Variants in CUL5 observed in about 807,000 individuals in gnomAD.
The protein encoded by CUL5 is cullin 5, also known as cullin-5.
A neutral mutation model predicts 108.8 loss-of-function variants in CUL5; 26 were observed. The ratio of observed to expected loss-of-function variants is 0.24; its 90% CI spans 0.18 to 0.33. The LOEUF is 0.33. Among genes scored for constraint, CUL5 ranks in the 10% least tolerant of loss-of-function variants. CUL5 has a pLI of 1.00. For missense variants in CUL5, 524 were observed against 909.2 expected (o/e 0.58, Z 5.45); for synonymous variants, 334 against 298.0 (o/e 1.12, Z -1.25).
chr11:108,046,613 T>G, intron 3 of CUL5: 1 of 306,390 alleles, frequency 3.3e-6, no homozygotes, highest in South Asian at 5.5e-5. Context: ...GCGAATTCAG[T>G]TTTTTATATT....
intron 2 of CUL5, 67 bp downstream of exon 2, chr11:108,033,978 A>G: frequency 1.1e-6 from 1 of 914,622 alleles, no homozygotes; most frequent in Non-Finnish European, 1.8e-6. Context: ...CCATACCCAA[A>G]TGGAATGTGT....
intron 7 of CUL5, among the ~76,000 whole-genome samples, chr11:108,060,937 G>T (rs576006191): frequency 6.6e-6 from 1 of 152,202 alleles, no homozygotes; most frequent in East Asian, 1.9e-4. Context: ...TGGAGTGCCT[G>T]CTGTGTTTTA....
intron 12 of CUL5, 129 bp downstream of exon 12, chr11:108,088,788 T>C: frequency 1.4e-6 from 1 of 706,090 alleles, no homozygotes; most frequent in Non-Finnish European, 2.1e-6. Flanking sequence ...GTTACGAAGA[T>C]TTGCAGTGCA....
intron 2 of CUL5, among the ~76,000 whole-genome samples, chr11:108,040,157 A>C (rs1235389733): frequency 1.3e-5 from 2 of 152,212 alleles, no homozygotes; most frequent in Non-Finnish European, 2.9e-5. Context: ...GTTTTTAAAA[A>C]GATTTACCTT....
intron 3 of CUL5, 76 bp from the exon 4 acceptor site, chr11:108,049,814 A>G: frequency 8.8e-7 from 1 of 1,137,622 alleles, no homozygotes; most frequent in South Asian, 1.4e-5. Flanking sequence ...GTACAATTTA[A>G]ATTTTGGCAT....
chr11:108,095,933 T>C (rs1864480307), intron 16 of CUL5, among the ~76,000 whole-genome samples: 1 of 150,978 alleles, frequency 6.6e-6, no homozygotes, highest in Admixed American at 6.6e-5. Flanking sequence ...CCATCTCTAC[T>C]AAAAATACAA....
intron 18 of CUL5, among the ~76,000 whole-genome samples, chr11:108,101,795 C>T (rs1864677156): frequency 6.6e-6 from 1 of 152,234 alleles, no homozygotes; most frequent in Non-Finnish European, 1.5e-5. Flanking sequence ...ACCTTCACCT[C>T]TATCTAAGGA....
chr11:108,035,336 ATAAGCCTTTTTCTT>A (rs1862707981), intron 2 of CUL5, among the ~76,000 whole-genome samples: 1 of 152,196 alleles, frequency 6.6e-6, no homozygotes, highest in South Asian at 2.1e-4. Context: ...CCATCAGAGA[ATAAGCCTTTTTCTT>A]TGGTTATCTG....
At chr11:108,104,080 G>T in intron 18 of CUL5, 110 bp from the exon 19 acceptor site, 1 of 617,284 alleles carries the variant, frequency 1.6e-6, no homozygotes, top group Non-Finnish European at 2.8e-6. Context: ...TTATTCATTT[G>T]GGTAGATGTT....
At chr11:108,029,005 T>C (rs1190463179) in intron 1 of CUL5, among the ~76,000 whole-genome samples, 2 of 152,200 alleles carry the variant, frequency 1.3e-5, no homozygotes, top group South Asian at 2.1e-4. Flanking sequence ...CTCTCCACTT[T>C]GTTTACTTTG....
intron 11 of CUL5, among the ~76,000 whole-genome samples, chr11:108,080,976 A>G (rs1306019924): frequency 6.8e-6 from 1 of 147,142 alleles, no homozygotes; most frequent in Admixed American, 6.7e-5. Flanking sequence ...TTATTTATTT[A>G]TTTATTTATT....
chr11:108,024,086 A>G (rs962121458), intron 1 of CUL5, among the ~76,000 whole-genome samples: 3 of 152,228 alleles, frequency 2.0e-5, no homozygotes, highest in Non-Finnish European at 4.4e-5. Flanking sequence ...GATCTGGCCC[A>G]TGGATTAGAA....
chr11:108,056,818 ACTT>A (rs2135144772), intron 7 of CUL5, among the ~76,000 whole-genome samples: 1 of 152,258 alleles, frequency 6.6e-6, no homozygotes, highest in African/African-American at 2.4e-5. Context: ...GAAGAGAGAA[ACTT>A]CTTAGAGGTG....
chr11:108,101,246 T>A (rs1286763034), intron 18 of CUL5, among the ~76,000 whole-genome samples: 1 of 152,136 alleles, frequency 6.6e-6, no homozygotes, highest in Non-Finnish European at 1.5e-5. Context: ...ATATATTGAG[T>A]GTGAGAGGGA....
intron 10 of CUL5, among the ~76,000 whole-genome samples, chr11:108,076,823 A>G (rs1863952220): frequency 6.6e-6 from 1 of 152,254 alleles, no homozygotes; most frequent in South Asian, 2.1e-4. Context: ...GAGACTAGTC[A>G]GGGATGACAC....
chr11:108,068,685 T>C (rs1863751286), intron 7 of CUL5, among the ~76,000 whole-genome samples: 1 of 152,192 alleles, frequency 6.6e-6, no homozygotes, highest in South Asian at 2.1e-4. Context: ...TACTTAACTT[T>C]AGTCCTCACA....
chr11:108,095,236 G>A (rs935538635), intron 15 of CUL5, among the ~76,000 whole-genome samples: 7 of 152,134 alleles, frequency 4.6e-5, no homozygotes, highest in Non-Finnish European at 7.4e-5. Context: ...GCAACAGAAA[G>A]CAAAAGGTGA....
At chr11:108,023,357 A>G (rs1862373263) in intron 1 of CUL5, among the ~76,000 whole-genome samples, 1 of 152,210 alleles carries the variant, frequency 6.6e-6, no homozygotes, top group Non-Finnish European at 1.5e-5. Flanking sequence ...ATACAGTGCA[A>G]TTTATACATT....
chr11:108,062,787 T>G (rs915287286), intron 7 of CUL5, among the ~76,000 whole-genome samples: 37 of 152,158 alleles, frequency 2.4e-4, no homozygotes, highest in African/African-American at 8.7e-4. Context: ...TTTTTTACTG[T>G]AGTCACCCTG....
Sources: gnomAD v4.1 joint callset for allele counts (sites outside exome capture counted in the v4.1 genomes callset) on GRCh38, gnomAD v4.1.1 for gene constraint, MANE v1.5 for transcripts, NCBI Gene and HGNC (gene_info 2026-07-23, HGNC 2026-07-21) for gene names.